The following NTM variants were observed in gnomAD, a reference collection of about 807,000 sequenced individuals.
The protein encoded by NTM is neurotrimin.
Under a neutral mutation model 42.1 loss-of-function variants are expected in NTM, and 13 were observed. The ratio of observed to expected loss-of-function variants is 0.31; its 90% confidence interval spans 0.20 to 0.49. The LOEUF (loss-of-function observed/expected upper bound fraction) is 0.49, where lower values mean the gene tolerates loss of function less well. NTM is among the 20% of genes least tolerant of loss of function. The probability of loss-of-function intolerance (pLI) is 0.99; values close to 1 mark genes in which losing one functional copy is unlikely to be tolerated. For synonymous variants in NTM, 187 were observed against 179.2 expected, an observed-to-expected ratio of 1.04 and a Z score of -0.35; for missense variants, 373 against 452.8, an observed-to-expected ratio of 0.82 and a Z score of 1.60.
At chr11:131,514,558 ATTTGT>A (rs1380296350) in intron 1 of NTM, among the ~76,000 whole-genome samples, 1 of 152,068 alleles carries the variant, frequency 6.6e-6, no homozygotes, top group African/African-American at 2.4e-5. Flanking sequence ...AAAAAATTAA[ATTTGT>A]TTTGTGATTT....
At chr11:131,714,247 G>C (rs140731150) in intron 1 of NTM, among the ~76,000 whole-genome samples, 4,696 of 152,080 alleles carry the variant, frequency 0.031, 91 homozygotes, top group Non-Finnish European at 0.049. Flanking sequence ...AGAGTACAGT[G>C]GCGTGATCTT....
intron 1 of NTM, among the ~76,000 whole-genome samples, chr11:131,442,039 G>A (rs118029650): frequency 0.016 from 2,466 of 152,300 alleles, 38 homozygotes; most frequent in Non-Finnish European, 0.026. Context: ...AAATTCAGAA[G>A]ACTGTTCAAT....
rs1354907426 is a variant in NTM, at chr11:132,312,589, G to T, written c.783-1963G>T. The T allele has an allele frequency of 9.7e-5, 15 of 154,900 alleles. 1 individual carries two copies. The highest frequency in any genetic ancestry group is 1.0e-4 in the Non-Finnish European group (7 of 68,306). The allele number at this position is 154,900 out of a possible 1,614,324, so 9.6% of individuals were successfully genotyped here. ...GCCTGCAAAGTGCTGCTGGCCCCCT[G>T]TGCTGTTTTTAGCTAAAGACATTTC... On this transcript the variant is annotated intron_variant, in intron 6 of 8. Coordinates refer to ENST00000683400, the MANE Select transcript of NTM (RefSeq NM_001352005.2).
At chr11:132,285,792 C>G (rs2094207216) in intron 4 of NTM, among the ~76,000 whole-genome samples, 1 of 152,202 alleles carries the variant, frequency 6.6e-6, no homozygotes, top group African/African-American at 2.4e-5. Flanking sequence ...CAGTCGCTGT[C>G]CCTTAGACTG....
At chr11:131,996,845 C>T (rs1438996350) in intron 2 of NTM, among the ~76,000 whole-genome samples, 1 of 152,160 alleles carries the variant, frequency 6.6e-6, no homozygotes, top group African/African-American at 2.4e-5. Flanking sequence ...CCCCAGCCTG[C>T]ATTCTGAAGC....
chr11:132,280,865 A>G (rs1285753472), intron 4 of NTM, among the ~76,000 whole-genome samples: 2 of 152,158 alleles, frequency 1.3e-5, no homozygotes, highest in Non-Finnish European at 2.9e-5. Context: ...CAGATTTCAA[A>G]GCCACCTATA....
rs139649797 is a variant in NTM, at chr11:131,587,244, C to T, written c.82+216356C>T. Among the ~76,000 whole-genome samples, 55 of 152,202 alleles carry T rather than the reference C, an allele frequency of 3.6e-4. No homozygotes were observed. The East Asian group carries it at 7.3e-3, about 20-fold the overall frequency. On this transcript the variant is annotated intron_variant, in intron 1 of 8. Coordinates refer to ENST00000683400, the MANE Select transcript of NTM (RefSeq NM_001352005.2). ...TGGGCAGATCACGAGGTCAGGAGAT[C>T]GAGACCATCCTGGATAACGTGGTGA...
intron 1 of NTM, among the ~76,000 whole-genome samples, chr11:131,792,234 TAAA>T (rs555516133): frequency 6.6e-6 from 1 of 151,904 alleles, no homozygotes. Context: ...AAATAAAAAT[TAAA>T]AAAACACACA....
chr11:132,072,527 G>A (rs959559408), intron 2 of NTM, among the ~76,000 whole-genome samples: 2 of 152,168 alleles, frequency 1.3e-5, no homozygotes, highest in African/African-American at 4.8e-5. Flanking sequence ...GTGAACCATG[G>A]GGAAAGAATA....
At chr11:132,251,043 G>T (rs938346901) in intron 4 of NTM, among the ~76,000 whole-genome samples, 19 of 152,280 alleles carry the variant, frequency 1.2e-4, no homozygotes, top group Non-Finnish European at 2.1e-4. Flanking sequence ...GATGACCGAG[G>T]TCTATGTAAA....
In NTM at chr11:131,910,882, C is replaced by T. The variant is rs551693127; in HGVS notation, c.83-682C>T. 5.5e-4 allele frequency: 544 copies of T among 985,470 alleles called. 3 individuals are homozygous for T. In the African/African-American group the frequency reaches 6.9e-3, roughly 13 times the overall value. The allele number at this position is 985,470 out of a possible 1,614,324, so 61.0% of individuals were successfully genotyped here. On this transcript the variant is annotated intron_variant, in intron 1 of 8. Coordinates refer to ENST00000683400, the MANE Select transcript of NTM (RefSeq NM_001352005.2). ...GAGGCGGCTGCCGCAGGATCCCGGG[C>T]CCGGATCGCACGAAGCCCGCGCGGC...
chr11:131,883,546 TGAA>T (rs1565674983), intron 1 of NTM, among the ~76,000 whole-genome samples: 1 of 152,142 alleles, frequency 6.6e-6, no homozygotes, highest in African/African-American at 2.4e-5. Flanking sequence ...ACTGTTCAAA[TGAA>T]GAAACTGAAG....
intron 1 of NTM, among the ~76,000 whole-genome samples, chr11:131,691,559 C>A (rs1222134965): frequency 2.2e-5 from 2 of 90,952 alleles, no homozygotes; most frequent in African/African-American, 1.0e-4. Context: ...TCCCTGAAAG[C>A]CCCCCCCCGA....
At chr11:132,181,708 G>A (rs1468869583) in intron 3 of NTM, among the ~76,000 whole-genome samples, 2 of 152,132 alleles carry the variant, frequency 1.3e-5, no homozygotes, top group African/African-American at 4.8e-5. Context: ...ACTGATGTTG[G>A]CACTATTGAA....
chr11:132,218,503 G>A (rs1487322846), intron 4 of NTM, among the ~76,000 whole-genome samples: 13 of 152,166 alleles, frequency 8.5e-5, no homozygotes, highest in African/African-American at 3.1e-4. Flanking sequence ...GAGGGACCTA[G>A]GGCGTAAGGC....
At chr11:132,137,456 C>T (rs964982908) in intron 2 of NTM, among the ~76,000 whole-genome samples, 3 of 152,218 alleles carry the variant, frequency 2.0e-5, no homozygotes, top group Non-Finnish European at 4.4e-5. Context: ...TCCCTGCCTG[C>T]TCTTTGTCTT....
At chr11:131,972,042 C>CAAAAAAAAAAAAAAAAAAAAAAA (rs61627120) in intron 2 of NTM, among the ~76,000 whole-genome samples, 8 of 57,830 alleles carry the variant, frequency 1.4e-4, no homozygotes, top group East Asian at 5.4e-4. Context: ...GACTCCGTCT[C>CAAAAAAAAAAAAAAAAAAAAAAA]AAAAAAAAAA....
chr11:131,940,398 T>C (rs1454824471), intron 2 of NTM, among the ~76,000 whole-genome samples: 1 of 152,242 alleles, frequency 6.6e-6, no homozygotes, highest in Non-Finnish European at 1.5e-5. Flanking sequence ...TTAGTGGGTA[T>C]ACATTGTGAG....
chr11:131,420,026 C>T (rs1947340729), intron 1 of NTM, among the ~76,000 whole-genome samples: 1 of 152,148 alleles, frequency 6.6e-6, no homozygotes, highest in African/African-American at 2.4e-5. Context: ...GTGTCCTCCT[C>T]TCACGTAGCA....
Sources: gnomAD v4.1 joint callset for allele counts (sites outside exome capture counted in the v4.1 genomes callset) on GRCh38, gnomAD v4.1.1 for gene constraint, MANE v1.5 for transcripts, NCBI Gene and HGNC (gene_info 2026-07-23, HGNC 2026-07-21) for gene names.